The following OPHN1 variants were observed in gnomAD, a reference collection of about 807,000 sequenced individuals.
The protein encoded by OPHN1 is oligophrenin-1.
Under a neutral mutation model 60.7 loss-of-function variants are expected in OPHN1, and 11 were observed. The observed-to-expected ratio is 0.18, with a 90% CI of 0.11 to 0.30. OPHN1 has a LOEUF of 0.30. OPHN1 is among the 10% of genes least tolerant of loss of function. The probability of loss-of-function intolerance (pLI) is 1.00; values close to 1 mark genes in which losing one functional copy is unlikely to be tolerated. For synonymous variants in OPHN1, 226 were observed against 222.6 expected, an observed-to-expected ratio of 1.02 and a Z score of -0.14; for missense variants, 449 against 611.0, an observed-to-expected ratio of 0.73 and a Z score of 2.80.
At chrX:68,379,086 C>G (rs1174327472) in intron 2 of OPHN1, among the ~76,000 whole-genome samples, 62 of 110,569 alleles carry the variant, frequency 5.6e-4, no homozygotes, top group African/African-American at 1.3e-3. Context: ...TCTTCCATTT[C>G]TTTGTATCCT....
chrX:68,147,406 A>G (rs1436253530), intron 15 of OPHN1, among the ~76,000 whole-genome samples: 5 of 112,000 alleles, frequency 4.5e-5, no homozygotes, highest in Non-Finnish European at 7.5e-5. Context: ...TCTCTGCTGA[A>G]TATTTGTTTG....
chrX:68,110,510 T>C (rs1256418730), intron 18 of OPHN1, among the ~76,000 whole-genome samples: 5 of 111,478 alleles, frequency 4.5e-5, no homozygotes, highest in African/African-American at 1.6e-4. Flanking sequence ...TTCAGTCTCT[T>C]CGTGTTATAG....
At chrX:68,114,131 G>C (rs1250542820) in intron 16 of OPHN1, among the ~76,000 whole-genome samples, 1 of 110,507 alleles carries the variant, frequency 9.0e-6, no homozygotes, top group Non-Finnish European at 1.9e-5. Flanking sequence ...CAATGCAGTG[G>C]GACAAGTACG....
intron 15 of OPHN1, among the ~76,000 whole-genome samples, chrX:68,155,772 A>G (rs750743135): frequency 8.9e-6 from 1 of 111,820 alleles, no homozygotes; most frequent in Non-Finnish European, 1.9e-5. Context: ...CCAACCTGAT[A>G]AGCAGCTTAC....
intron 19 of OPHN1, 139 bp downstream of exon 19, chrX:68,096,731 C>T: frequency 3.4e-6 from 2 of 596,653 alleles, no homozygotes; most frequent in Non-Finnish European, 5.7e-6. Flanking sequence ...GTCAGAGTTG[C>T]CATTAAATGT....
chrX:68,127,996 C>A (rs1343582281), intron 15 of OPHN1, among the ~76,000 whole-genome samples: 2 of 110,407 alleles, frequency 1.8e-5, no homozygotes, highest in African/African-American at 3.3e-5. Flanking sequence ...ATAGAATAAT[C>A]ATTATTTACC....
At chrX:68,379,313 C>T (rs1473819326) in intron 2 of OPHN1, among the ~76,000 whole-genome samples, 1 of 111,826 alleles carries the variant, frequency 8.9e-6, no homozygotes, top group Non-Finnish European at 1.9e-5. Context: ...TGCCTATCAG[C>T]TAAAGGAGAT....
intron 2 of OPHN1, among the ~76,000 whole-genome samples, chrX:68,305,858 A>C (rs1288425179): frequency 4.5e-5 from 5 of 112,108 alleles, no homozygotes; most frequent in African/African-American, 1.6e-4. Flanking sequence ...CAGAGTTGCC[A>C]CATGATTTTA....
intron 7 of OPHN1, among the ~76,000 whole-genome samples, 183 bp downstream of exon 7, chrX:68,213,678 TG>T (rs1602239687): frequency 9.4e-6 from 1 of 106,606 alleles, no homozygotes; most frequent in Non-Finnish European, 1.9e-5. Context: ...AGAAAAGGGT[TG>T]GGGGGAAAGA....
chrX:68,401,060 C>T (rs190667526), intron 2 of OPHN1, among the ~76,000 whole-genome samples: 1 of 111,682 alleles, frequency 9.0e-6, no homozygotes, highest in Non-Finnish European at 1.9e-5. Flanking sequence ...TGGTGTTAAA[C>T]CACAAGAAAC....
chrX:68,337,456 A>G (rs994912494), intron 2 of OPHN1, among the ~76,000 whole-genome samples: 5 of 112,194 alleles, frequency 4.5e-5, no homozygotes, highest in Admixed American at 3.8e-4. Context: ...AAATCCACCT[A>G]TGTCAATAGT....
intron 2 of OPHN1, among the ~76,000 whole-genome samples, chrX:68,369,337 C>G (rs2078515445): frequency 9.0e-6 from 1 of 111,550 alleles, no homozygotes; most frequent in Non-Finnish European, 1.9e-5. Context: ...ACAACAACAA[C>G]AACCACAGAA....
At chrX:68,181,967 T>C (rs909961830) in intron 15 of OPHN1, among the ~76,000 whole-genome samples, 1 of 112,071 alleles carries the variant, frequency 8.9e-6, no homozygotes, top group Non-Finnish European at 1.9e-5. Flanking sequence ...AGAGGCTAGA[T>C]GGCCAAAGCC....
intron 15 of OPHN1, among the ~76,000 whole-genome samples, chrX:68,158,966 C>A (rs2077322364): frequency 9.0e-6 from 1 of 111,455 alleles, no homozygotes; most frequent in Non-Finnish European, 1.9e-5. Context: ...GAGGGGGAAG[C>A]CAAGAAGACC....
intron 15 of OPHN1, among the ~76,000 whole-genome samples, chrX:68,161,354 G>T (rs1267036453): frequency 9.0e-6 from 1 of 110,943 alleles, no homozygotes; most frequent in African/African-American, 3.3e-5. Context: ...ATTCTATGAA[G>T]CCGATATTAC....
chrX:68,159,880 G>T (rs1261769849), intron 15 of OPHN1, among the ~76,000 whole-genome samples: 1 of 110,127 alleles, frequency 9.1e-6, no homozygotes, highest in Non-Finnish European at 1.9e-5. Flanking sequence ...GAACAGAAAA[G>T]ATTATGCATA....
chrX:68,239,190 G>A (rs72627689), intron 5 of OPHN1, among the ~76,000 whole-genome samples: 1 of 42,794 alleles, frequency 2.3e-5, no homozygotes, highest in Non-Finnish European at 7.0e-5. Context: ...GCGTCTTCCC[G>A]CCATAGATGA....
At chrX:68,335,289 C>G (rs773136762) in intron 2 of OPHN1, among the ~76,000 whole-genome samples, 23 of 111,548 alleles carry the variant, frequency 2.1e-4, no homozygotes, top group Non-Finnish European at 3.9e-4. Flanking sequence ...GCCCACAGTT[C>G]TCTTTCTCTA....
At chrX:68,429,218 T>C (rs2078873808) in intron 2 of OPHN1, among the ~76,000 whole-genome samples, 1 of 108,671 alleles carries the variant, frequency 9.2e-6, no homozygotes, top group Admixed American at 9.9e-5. Flanking sequence ...AGCTCAGGAG[T>C]TCAAGACCAG....
Sources: allele counts gnomAD v4.1 joint callset (sites outside exome capture counted in the v4.1 genomes callset), GRCh38; gene constraint gnomAD v4.1.1; transcripts MANE v1.5; gene names NCBI Gene and HGNC (gene_info 2026-07-23, HGNC 2026-07-21).